Variants in NT5DC1 observed in about 807,000 individuals in gnomAD.
NT5DC1 encodes 5'-nucleotidase domain containing 1, also known as 5'-nucleotidase domain-containing protein 1.
Under a neutral mutation model 59.4 loss-of-function variants are expected in NT5DC1, and 42 were observed. The ratio of observed to expected loss-of-function variants is 0.71; its 90% CI spans 0.55 to 0.92. NT5DC1 has a LOEUF of 0.92. Ranked by LOEUF, NT5DC1 falls within the 40% of genes least tolerant of loss-of-function variation. The probability of loss-of-function intolerance (pLI) is 0.00; values close to 1 mark genes in which losing one functional copy is unlikely to be tolerated. For missense variants in NT5DC1, 501 were observed against 537.1 expected, an observed-to-expected ratio of 0.93 and a Z score of 0.66; for synonymous variants, 172 against 188.1, an observed-to-expected ratio of 0.91 and a Z score of 0.70.
At chr6:116,101,704 G>T (rs1778661229) in intron 1 of NT5DC1, among the ~76,000 whole-genome samples, 1 of 152,156 alleles carries the variant, frequency 6.6e-6, no homozygotes, top group Admixed American at 6.5e-5. Context: ...TCCTCACTGT[G>T]CCCTGAGGGA....
At chr6:116,140,314 T>G (rs471766) in intron 6 of NT5DC1, among the ~76,000 whole-genome samples, 3 of 151,950 alleles carry the variant, frequency 2.0e-5, no homozygotes, top group Non-Finnish European at 4.4e-5. Context: ...TTAGCTAATA[T>G]ACTTTCTCAG....
chr6:116,183,783 T>A lies in NT5DC1; in HGVS notation c.530-37271T>A, dbSNP rs181631364. 3.4e-3 allele frequency among the ~76,000 whole-genome samples: 518 copies of A among 152,056 alleles called. 15 individuals carry two copies. The South Asian group carries it at 0.046, about 13-fold the overall frequency. Reference sequence around the variant, plus strand: ...GAAACTTTGCTGAATTCATTTACCATTTCTAGGAGCTTTTTTGAGGAGTCT... The same window carrying A: ...GAAACTTTGCTGAATTCATTTACCAATTCTAGGAGCTTTTTTGAGGAGTCT... On this transcript the variant is annotated intron_variant, in intron 6 of 11. Coordinates refer to ENST00000319550, the MANE Select transcript of NT5DC1 (RefSeq NM_152729.3).
At chr6:116,234,836 G>A (rs531792807) in intron 8 of NT5DC1, among the ~76,000 whole-genome samples, 10 of 152,222 alleles carry the variant, frequency 6.6e-5, no homozygotes, top group South Asian at 4.1e-4. Context: ...TTCACAGTCC[G>A]AACAGGCTCT....
rs978678713 is a variant in NT5DC1 at position 116,247,201 on chromosome 6, C to T, written c.*3177C>T. On this transcript the variant is annotated 3_prime_UTR_variant, in exon 12 of 12. Transcript: ENST00000319550. ...CCACACTTCAATTTAGCAATAATGT[C>T]GTGCTAGGACATGAGAGGGATTAAC... The T allele has an allele frequency of 3.9e-5, 6 of 152,116 alleles. No homozygotes were observed. Among genetic ancestry groups the T allele is most frequent in the East Asian group, 1.9e-4 (1 of 5,194 alleles). 9.4% of individuals were successfully genotyped at this position (152,116 alleles called of 1,614,324 possible).
Position 116,145,218 on chromosome 6 carries a change from GCTAA to G in NT5DC1, c.529+27277_529+27280del, listed in dbSNP as rs953770785. Among the ~76,000 whole-genome samples the G allele has an allele frequency of 3.3e-5, 5 of 152,116 alleles. No homozygotes were observed. The East Asian group carries it at 5.8e-4, about 18-fold the overall frequency. On this transcript the variant is annotated intron_variant, in intron 6 of 11. Coordinates refer to ENST00000319550, the MANE Select transcript of NT5DC1 (RefSeq NM_152729.3). ...CCTCAACAGAGGACAACTGATAACA[GCTAA>G]CTATTAAATGTCCCCAAAAGAATTT... is the stretch of plus-strand genomic sequence containing the variant.
intron 6 of NT5DC1, among the ~76,000 whole-genome samples, chr6:116,197,793 G>A (rs900393655): frequency 6.6e-6 from 1 of 152,104 alleles, no homozygotes; most frequent in African/African-American, 2.4e-5. Flanking sequence ...CTGATGGATT[G>A]AAAGCGCTAG....
chr6:116,156,471 C>T (rs1052544191), intron 6 of NT5DC1, among the ~76,000 whole-genome samples: 2 of 152,154 alleles, frequency 1.3e-5, no homozygotes, highest in African/African-American at 4.8e-5. Flanking sequence ...TAAGGGATTA[C>T]TATGCTGTGT....
intron 6 of NT5DC1, among the ~76,000 whole-genome samples, chr6:116,157,426 G>A (rs1219752599): frequency 6.6e-6 from 1 of 152,172 alleles, no homozygotes; most frequent in African/African-American, 2.4e-5. Context: ...GAGCTATGGG[G>A]ACAGGTTCAA....
At chr6:116,103,830 C>A (rs1778711226) in intron 1 of NT5DC1, among the ~76,000 whole-genome samples, 1 of 152,090 alleles carries the variant, frequency 6.6e-6, no homozygotes, top group Non-Finnish European at 1.5e-5. Flanking sequence ...AAGTCTGATA[C>A]CAGTCAGTTA....
At chr6:116,142,530 A>G (rs1401083788) in intron 6 of NT5DC1, among the ~76,000 whole-genome samples, 2 of 152,178 alleles carry the variant, frequency 1.3e-5, no homozygotes, top group African/African-American at 2.4e-5. Flanking sequence ...ATTTGTTAGC[A>G]TCTGAAAATA....
At chr6:116,101,525 G>A (rs1411499898) in intron 1 of NT5DC1, among the ~76,000 whole-genome samples, 1 of 152,196 alleles carries the variant, frequency 6.6e-6, no homozygotes, top group Non-Finnish European at 1.5e-5. Context: ...GAGATGCGTA[G>A]TATATAGTGT....
At chr6:116,119,863 T>C (rs1248357956) in intron 6 of NT5DC1, 4 of 574,592 alleles carry the variant, frequency 7.0e-6, no homozygotes, top group Non-Finnish European at 1.2e-5. Flanking sequence ...TTAAGATTGC[T>C]AACTAGAAAT....
intron 1 of NT5DC1, among the ~76,000 whole-genome samples, chr6:116,105,703 T>C (rs995748497): frequency 1.3e-5 from 2 of 152,156 alleles, no homozygotes; most frequent in South Asian, 4.1e-4. Context: ...TCCAGAGGCT[T>C]TCTTTGTCCT....
chr6:116,232,311 A>G (rs1442273227), intron 8 of NT5DC1, among the ~76,000 whole-genome samples: 1 of 152,222 alleles, frequency 6.6e-6, no homozygotes, highest in African/African-American at 2.4e-5. Flanking sequence ...ACAAGTATAT[A>G]CATATGCTGA....
chr6:116,121,868 G>C, intron 6 of NT5DC1: 2 of 1,614,000 alleles, frequency 1.2e-6, no homozygotes, highest in Non-Finnish European at 1.7e-6. Flanking sequence ...TCCGTAGCCT[G>C]GTTTTCCTGG....
chr6:116,117,781 T>TAAGA (rs1778996125), intron 5 of NT5DC1, 80 bp from the exon 6 acceptor site: 2 of 756,282 alleles, frequency 2.6e-6, no homozygotes, highest in Non-Finnish European at 4.6e-6. Flanking sequence ...ACTGTCTGCA[T>TAAGA]TGTAATTGTT....
At position 116,221,069 on chromosome 6, in the gene NT5DC1, AT is replaced by A; in HGVS notation, c.549del (p.Pro184GlnfsTer3). ...TATTTTTCAGAAAACTGTGGAATAT[AT>A]TTTCCAGAAATAAAAAGAGATCCAG... ...MSAFKENCGI[Y>X]FPEIKRDPGR... On this transcript the variant is annotated frameshift_variant, in exon 7 of 12. Coordinates refer to ENST00000319550, the MANE Select transcript of NT5DC1 (RefSeq NM_152729.3). LOFTEE classifies it high-confidence loss of function. 6.6e-7 allele frequency: 1 copy of A among 1,512,614 alleles called. No individual in the cohort carries two copies. Among genetic ancestry groups the A allele is most frequent in the Non-Finnish European group, 9.1e-7 (1 of 1,099,440 alleles). 93.7% of individuals were successfully genotyped at this position (1,512,614 alleles called of 1,614,324 possible). A position where few individuals can be genotyped will look rare whatever the true frequency, so the allele number is the denominator to read the frequency against.
In NT5DC1 at chr6:116,130,360, A is replaced by G. The variant is rs191922524; in HGVS notation, c.529+12415A>G. Among the ~76,000 whole-genome samples the G allele has an allele frequency of 6.0e-3, 911 of 152,034 alleles. 4 individuals carry two copies. The highest frequency in any genetic ancestry group is 7.0e-3 in the Non-Finnish European group (477 of 67,978). ...GTCCGTGGCACTTATTAATCTTACT[A>G]TTGTTCAGAATTTTTTCCCCATTTT... On this transcript the variant is annotated intron_variant, in intron 6 of 11. Transcript: ENST00000319550.
intron 6 of NT5DC1, among the ~76,000 whole-genome samples, chr6:116,132,709 G>T (rs908705398): frequency 1.3e-5 from 2 of 152,046 alleles, no homozygotes. Flanking sequence ...AAACACCAGC[G>T]ACTGGGCTAA....
Sources: allele counts gnomAD v4.1 joint callset (sites outside exome capture counted in the v4.1 genomes callset), GRCh38; gene constraint gnomAD v4.1.1; transcripts MANE v1.5; gene names NCBI Gene and HGNC (gene_info 2026-07-23, HGNC 2026-07-21).